Variants in ADAMTSL1 observed in about 807,000 individuals in gnomAD.
The protein encoded by ADAMTSL1 is ADAMTS like 1.
ADAMTSL1 carries 126 observed loss-of-function variants against 201.8 expected under a neutral mutation model. The observed-to-expected ratio is 0.62, with a 90% CI of 0.54 to 0.72. The LOEUF (loss-of-function observed/expected upper bound fraction) is 0.72. Among genes scored for constraint, ADAMTSL1 ranks in the 30% least tolerant of loss-of-function variants. The pLI, the probability that ADAMTSL1 is intolerant of heterozygous loss-of-function variation, is 0.00. For synonymous variants in ADAMTSL1, 1,121 were observed against 903.4 expected (o/e 1.24, Z -4.32); for missense variants, 2,679 against 2,277.8 (o/e 1.18, Z -3.59).
chr9:18,459,399 C>G (rs573683842), intron 2 of ADAMTSL1, among the ~76,000 whole-genome samples: 2 of 152,100 alleles, frequency 1.3e-5, no homozygotes, highest in Non-Finnish European at 2.9e-5. Context: ...TGGACCTAGA[C>G]CTTTTGATTT....
chr9:18,687,150 G>A (rs140034951), intron 13 of ADAMTSL1, among the ~76,000 whole-genome samples: 1 of 152,296 alleles, frequency 6.6e-6, no homozygotes, highest in East Asian at 1.9e-4. Context: ...GTAGAATAAT[G>A]TAATGAAAGG....
chr9:18,151,146 T>C (rs1274381445), intron 1 of ADAMTSL1, among the ~76,000 whole-genome samples: 1 of 152,082 alleles, frequency 6.6e-6, no homozygotes, highest in Non-Finnish European at 1.5e-5. Flanking sequence ...GTTTGAGTTA[T>C]CCATCATCTG....
intron 20 of ADAMTSL1, among the ~76,000 whole-genome samples, chr9:18,805,746 G>A (rs1047805855): frequency 2.0e-5 from 3 of 152,144 alleles, no homozygotes; most frequent in Non-Finnish European, 4.4e-5. Context: ...CCTTATGAAT[G>A]TAACTCGGAA....
intron 7 of ADAMTSL1, among the ~76,000 whole-genome samples, chr9:18,645,260 T>C (rs1827730223): frequency 6.6e-6 from 1 of 152,232 alleles, no homozygotes; most frequent in South Asian, 2.1e-4. Flanking sequence ...GTAAATTTGT[T>C]TGAGTTCATT....
intron 1 of ADAMTSL1, among the ~76,000 whole-genome samples, chr9:18,068,471 A>G (rs1050413897): frequency 6.6e-6 from 1 of 152,170 alleles, no homozygotes; most frequent in Non-Finnish European, 1.5e-5. Context: ...ACCATTTTAT[A>G]TAAGGAACTT....
chr9:18,702,077 G>T (rs547558483), intron 13 of ADAMTSL1, among the ~76,000 whole-genome samples: 1 of 152,114 alleles, frequency 6.6e-6, no homozygotes, highest in Non-Finnish European at 1.5e-5. Flanking sequence ...AAGAGAGCTC[G>T]TGCAGAGAAA....
intron 1 of ADAMTSL1, among the ~76,000 whole-genome samples, chr9:18,484,166 G>A (rs926451149): frequency 1.3e-5 from 2 of 152,132 alleles, no homozygotes; most frequent in Non-Finnish European, 2.9e-5. Flanking sequence ...ATGCTATATT[G>A]AACAAAACAG....
chr9:18,098,697 T>G (rs1824359969), intron 1 of ADAMTSL1, among the ~76,000 whole-genome samples: 1 of 152,206 alleles, frequency 6.6e-6, no homozygotes, highest in Admixed American at 6.5e-5. Context: ...TTTCTGTGTC[T>G]TGCTTTATTT....
chr9:18,187,045 G>C (rs1482510971), intron 2 of ADAMTSL1, among the ~76,000 whole-genome samples: 1 of 152,168 alleles, frequency 6.6e-6, no homozygotes, highest in Non-Finnish European at 1.5e-5. Flanking sequence ...GTCATCTCTT[G>C]AGAGCAAAAT....
chr9:18,881,068 GC>G (rs1268823793), intron 23 of ADAMTSL1, among the ~76,000 whole-genome samples: 1 of 152,284 alleles, frequency 6.6e-6, no homozygotes, highest in East Asian at 1.9e-4. Flanking sequence ...AGGTAGTAGG[GC>G]TTGCTCTGGA....
At chr9:18,436,848 T>G (rs760205894) in intron 2 of ADAMTSL1, among the ~76,000 whole-genome samples, 1 of 152,188 alleles carries the variant, frequency 6.6e-6, no homozygotes, top group Non-Finnish European at 1.5e-5. Flanking sequence ...GAGAGCTTCC[T>G]GCAAAAATGT....
chr9:18,526,808 A>C (rs1056108229), intron 2 of ADAMTSL1, among the ~76,000 whole-genome samples: 1 of 152,214 alleles, frequency 6.6e-6, no homozygotes, highest in African/African-American at 2.4e-5. Flanking sequence ...ACTGTGTTCC[A>C]GTACTACTTA....
intron 4 of ADAMTSL1, among the ~76,000 whole-genome samples, chr9:18,616,260 A>G (rs935274977): frequency 1.2e-4 from 19 of 152,306 alleles, no homozygotes; most frequent in East Asian, 7.7e-4. Context: ...CGTGGCCTCA[A>G]GTGATCCGCC....
intron 26 of ADAMTSL1, among the ~76,000 whole-genome samples, chr9:18,900,546 G>C (rs2131600991): frequency 6.6e-6 from 1 of 152,286 alleles, no homozygotes; most frequent in Non-Finnish European, 1.5e-5. Context: ...ATCAAGGGTA[G>C]ACTGGATAAA....
chr9:18,739,371 C>T (rs562695438), intron 15 of ADAMTSL1, among the ~76,000 whole-genome samples: 10 of 152,256 alleles, frequency 6.6e-5, no homozygotes, highest in Non-Finnish European at 1.3e-4. Context: ...GTAAATACAA[C>T]TTAGGGATTT....
chr9:18,113,609 T>G (rs560148344), intron 1 of ADAMTSL1, among the ~76,000 whole-genome samples: 4 of 152,128 alleles, frequency 2.6e-5, no homozygotes, highest in African/African-American at 7.2e-5. Context: ...TCTAGAGAGA[T>G]AGGTCTTGAC....
At chr9:18,561,326 A>G (rs1462786096) in intron 3 of ADAMTSL1, among the ~76,000 whole-genome samples, 2 of 152,118 alleles carry the variant, frequency 1.3e-5, no homozygotes, top group East Asian at 1.9e-4. Flanking sequence ...TTCAGTTTCC[A>G]TGTAGTTGTG....
At chr9:18,529,554 G>A (rs1819307558) in intron 2 of ADAMTSL1, among the ~76,000 whole-genome samples, 1 of 152,110 alleles carries the variant, frequency 6.6e-6, no homozygotes, top group African/African-American at 2.4e-5. Flanking sequence ...CGAGTTGTTG[G>A]AAGATTAGAG....
At chr9:18,324,958 C>T (rs7031275) in intron 2 of ADAMTSL1, among the ~76,000 whole-genome samples, 4,551 of 152,060 alleles carry the variant, frequency 0.03, 113 homozygotes, top group African/African-American at 0.067. Context: ...CACTTCACAG[C>T]GAAAGATATA....
Sources: gnomAD v4.1 joint callset for allele counts (sites outside exome capture counted in the v4.1 genomes callset) on GRCh38, gnomAD v4.1.1 for gene constraint, MANE v1.5 for transcripts, NCBI Gene and HGNC (gene_info 2026-07-23, HGNC 2026-07-21) for gene names.